NCAM2: variants seen among roughly 807,000 people sequenced by gnomAD.
The protein encoded by NCAM2 is N-CAM-2.
Under a neutral mutation model 98.1 loss-of-function variants are expected in NCAM2, and 30 were observed. That is an observed-to-expected ratio of 0.31 (90% CI 0.23 to 0.41). The LOEUF (loss-of-function observed/expected upper bound fraction) is 0.41, where lower values mean the gene tolerates loss of function less well. NCAM2 is among the 10% of genes least tolerant of loss of function. The pLI is 1.00. For synonymous variants in NCAM2, 368 were observed against 342.4 expected, an observed-to-expected ratio of 1.07 and a Z score of -0.83; for missense variants, 867 against 1,005.8, an observed-to-expected ratio of 0.86 and a Z score of 1.87.
intron 5 of NCAM2, among the ~76,000 whole-genome samples, chr21:21,323,185 G>T (rs928341469): frequency 3.3e-5 from 5 of 151,942 alleles, no homozygotes; most frequent in African/African-American, 1.2e-4. Context: ...AGAAAAACAG[G>T]GTACAGATAG....
intron 1 of NCAM2, among the ~76,000 whole-genome samples, chr21:21,104,682 T>C (rs1187273992): frequency 2.0e-5 from 3 of 151,886 alleles, no homozygotes; most frequent in African/African-American, 7.3e-5. Flanking sequence ...GGCCTGTCGG[T>C]GGGGTGCATT....
intron 12 of NCAM2, among the ~76,000 whole-genome samples, chr21:21,434,675 G>GA (rs999556766): frequency 2.6e-5 from 4 of 151,200 alleles, no homozygotes; most frequent in Admixed American, 1.3e-4. Flanking sequence ...TCCAGTATTA[G>GA]AAAAAAAAAG....
intron 10 of NCAM2, among the ~76,000 whole-genome samples, chr21:21,417,302 A>C (rs1251581862): frequency 6.6e-6 from 1 of 152,134 alleles, no homozygotes; most frequent in Non-Finnish European, 1.5e-5. Context: ...ACACATAAGG[A>C]AAATGAATAT....
At chr21:21,296,673 G>C (rs1322473427) in intron 5 of NCAM2, among the ~76,000 whole-genome samples, 1 of 151,710 alleles carries the variant, frequency 6.6e-6, no homozygotes, top group African/African-American at 2.4e-5. Flanking sequence ...GGGAGAAAAA[G>C]TGAGTTCATG....
At chr21:21,191,905 T>C (rs2068835819) in intron 1 of NCAM2, among the ~76,000 whole-genome samples, 1 of 151,924 alleles carries the variant, frequency 6.6e-6, no homozygotes, top group Non-Finnish European at 1.5e-5. Context: ...CTAAGCAAAA[T>C]AGAGAAGAGG....
intron 1 of NCAM2, among the ~76,000 whole-genome samples, chr21:21,103,397 A>T (rs535402744): frequency 1.3e-5 from 2 of 152,114 alleles, no homozygotes; most frequent in Non-Finnish European, 1.5e-5. Context: ...ACACTGAAAA[A>T]ATACAAATCC....
At chr21:21,025,597 A>T (rs553271871) in intron 1 of NCAM2, among the ~76,000 whole-genome samples, 3 of 146,004 alleles carry the variant, frequency 2.1e-5, no homozygotes, top group African/African-American at 7.7e-5. Context: ...TCAAACCACT[A>T]TATTTTTTTG....
chr21:21,056,778 C>T (rs946257799), intron 1 of NCAM2, among the ~76,000 whole-genome samples: 3 of 151,836 alleles, frequency 2.0e-5, no homozygotes, highest in Admixed American at 6.6e-5. Flanking sequence ...TTTAAAATTG[C>T]AAATAAATAT....
intron 1 of NCAM2, among the ~76,000 whole-genome samples, chr21:21,125,714 T>TATATATAGAG (rs1555887746): frequency 8.9e-5 from 12 of 134,404 alleles, no homozygotes; most frequent in Admixed American, 1.7e-4. Context: ...TATATATATA[T>TATATATAGAG]AGAGAGAGAG....
intron 1 of NCAM2, among the ~76,000 whole-genome samples, chr21:21,166,480 A>G (rs1425692457): frequency 6.6e-6 from 1 of 152,108 alleles, no homozygotes; most frequent in Non-Finnish European, 1.5e-5. Flanking sequence ...TGCTGGGATT[A>G]CAGGCGTGAG....
At chr21:21,011,935 T>A (rs185185352) in intron 1 of NCAM2, among the ~76,000 whole-genome samples, 9 of 152,166 alleles carry the variant, frequency 5.9e-5, no homozygotes, top group Admixed American at 2.6e-4. Context: ...TAAGGAGATA[T>A]CACCTCACAC....
chr21:21,435,482 T>C (rs1039640723), intron 12 of NCAM2, among the ~76,000 whole-genome samples: 1 of 152,166 alleles, frequency 6.6e-6, no homozygotes, highest in East Asian at 1.9e-4. Flanking sequence ...GATTTTTTCC[T>C]CCGCCTAGTT....
intron 1 of NCAM2, among the ~76,000 whole-genome samples, chr21:21,004,925 G>A (rs559043752): frequency 6.6e-6 from 1 of 152,230 alleles, no homozygotes; most frequent in East Asian, 1.9e-4. Flanking sequence ...AACAGAAAGG[G>A]CTTCAATATA....
intron 6 of NCAM2, among the ~76,000 whole-genome samples, chr21:21,330,546 T>G (rs913601445): frequency 1.3e-5 from 2 of 152,128 alleles, no homozygotes; most frequent in East Asian, 3.8e-4. Context: ...AATTAAAGTA[T>G]GTGTATTCCA....
At chr21:21,500,363 T>A (rs1316453989) in intron 15 of NCAM2, among the ~76,000 whole-genome samples, 1 of 152,072 alleles carries the variant, frequency 6.6e-6, no homozygotes, top group Non-Finnish European at 1.5e-5. Flanking sequence ...ATCTATCCAT[T>A]TAGGGATGCA....
At chr21:21,394,723 G>T (rs897039748) in intron 9 of NCAM2, among the ~76,000 whole-genome samples, 1 of 151,686 alleles carries the variant, frequency 6.6e-6, no homozygotes, top group Non-Finnish European at 1.5e-5. Context: ...TCCTGACCTC[G>T]TGATCCTCCT....
chr21:21,332,549 C>T (rs2074743932), intron 6 of NCAM2, among the ~76,000 whole-genome samples: 1 of 152,182 alleles, frequency 6.6e-6, no homozygotes, highest in Non-Finnish European at 1.5e-5. Flanking sequence ...TTCTTTCCCT[C>T]ATCTGAGAAG....
intron 1 of NCAM2, among the ~76,000 whole-genome samples, chr21:21,092,046 A>C (rs1299301071): frequency 1.3e-5 from 2 of 152,104 alleles, no homozygotes; most frequent in Non-Finnish European, 2.9e-5. Context: ...TGAATCAATG[A>C]GTGAATTTCT....
Position 21,410,461 on chromosome 21 carries a change from G to A in NCAM2, c.1383G>A (p.Glu461=). The A allele has an allele frequency of 6.6e-7, 1 of 1,520,760 alleles. No homozygotes were observed. Among genetic ancestry groups the A allele is most frequent in the Non-Finnish European group, 8.8e-7 (1 of 1,130,096 alleles). The allele number at this position is 1,520,760 out of a possible 1,614,324, so 94.2% of individuals were successfully genotyped here. The part of the protein sequence containing the change: ...TYSTGRKMIL[E]IAPTSDNDFG... The stretch of plus-strand genomic sequence containing the variant: ...GTACAGGAAGAAAGATGATATTAGA[G>A]GTAAGTCCACATGTATACATCAATA... Residue 461 remains glutamate, a splice_region_variant and synonymous_variant, in exon 10 of 18, where the codon GAG becomes GAA. Coordinates refer to ENST00000400546, the MANE Select transcript of NCAM2 (RefSeq NM_004540.5).
Sources: gnomAD v4.1 joint callset for allele counts (sites outside exome capture counted in the v4.1 genomes callset) on GRCh38, gnomAD v4.1.1 for gene constraint, MANE v1.5 for transcripts, NCBI Gene and HGNC (gene_info 2026-07-23, HGNC 2026-07-21) for gene names.